Variants in PTPN14 observed in about 807,000 individuals in gnomAD.
PTPN14 encodes the protein protein tyrosine phosphatase non-receptor type 14, also known as tyrosine-protein phosphatase non-receptor type 14.
Under a neutral mutation model 126.8 loss-of-function variants are expected in PTPN14, and 53 were observed. The ratio of observed to expected loss-of-function variants is 0.42; its 90% confidence interval spans 0.34 to 0.53. The LOEUF (loss-of-function observed/expected upper bound fraction) is 0.53. PTPN14 is among the 20% of genes least tolerant of loss of function. PTPN14 has a pLI of 0.08. For synonymous variants in PTPN14, 630 were observed against 599.3 expected (o/e 1.05, Z -0.75); for missense variants, 1,257 against 1,552.9 (o/e 0.81, Z 3.20).
chr1:214,373,208 T>A (rs1352680375), intron 15 of PTPN14, among the ~76,000 whole-genome samples: 1 of 152,094 alleles, frequency 6.6e-6, no homozygotes, highest in Non-Finnish European at 1.5e-5. Context: ...GCACTCGCCA[T>A]CATGCCCGGC....
At chr1:214,466,814 A>G (rs1304923358) in intron 1 of PTPN14, among the ~76,000 whole-genome samples, 3 of 152,150 alleles carry the variant, frequency 2.0e-5, no homozygotes, top group African/African-American at 4.8e-5. Flanking sequence ...ATGTACAAAT[A>G]GGAATAGCTA....
intron 1 of PTPN14, among the ~76,000 whole-genome samples, chr1:214,486,355 A>C (rs960836253): frequency 6.6e-6 from 1 of 152,164 alleles, no homozygotes; most frequent in Non-Finnish European, 1.5e-5. Context: ...CTAGCTAGTG[A>C]TGGAGCTCAT....
chr1:214,405,038 A>T (rs1431943637), intron 5 of PTPN14, among the ~76,000 whole-genome samples: 1 of 152,210 alleles, frequency 6.6e-6, no homozygotes, highest in African/African-American at 2.4e-5. Flanking sequence ...CAAGAGGTCA[A>T]GCCCCAGGCC....
chr1:214,415,633 T>C (rs948246708), intron 3 of PTPN14, among the ~76,000 whole-genome samples: 4 of 152,200 alleles, frequency 2.6e-5, no homozygotes, highest in African/African-American at 9.7e-5. Context: ...CCAACTTTCC[T>C]GGAGAGAGGC....
chr1:214,537,194 G>A (rs12132245), intron 1 of PTPN14, among the ~76,000 whole-genome samples: 1,777 of 152,274 alleles, frequency 0.012, 16 homozygotes, highest in Non-Finnish European at 0.018. Flanking sequence ...GAACATCAAT[G>A]GTTTTTACTA....
intron 3 of PTPN14, among the ~76,000 whole-genome samples, chr1:214,422,809 C>T (rs1659574600): frequency 6.6e-6 from 1 of 152,134 alleles, no homozygotes; most frequent in African/African-American, 2.4e-5. Context: ...CCTAGAATCC[C>T]TAATTAAAGG....
intron 1 of PTPN14, among the ~76,000 whole-genome samples, chr1:214,513,573 TGCTAC>T (rs1655028147): frequency 6.6e-6 from 1 of 152,212 alleles, no homozygotes; most frequent in African/African-American, 2.4e-5. Context: ...ACTCTCTGTG[TGCTAC>T]GGGTGTGCTT....
chr1:214,498,929 C>T (rs1210082172), intron 1 of PTPN14, among the ~76,000 whole-genome samples: 1 of 152,108 alleles, frequency 6.6e-6, no homozygotes, highest in Non-Finnish European at 1.5e-5. Flanking sequence ...CCACTTCAGC[C>T]TCCTGAAAAG....
At chr1:214,549,851 T>C (rs1268629294) in intron 1 of PTPN14, among the ~76,000 whole-genome samples, 1 of 152,174 alleles carries the variant, frequency 6.6e-6, no homozygotes, top group Admixed American at 6.5e-5. Context: ...TTCCCATAAG[T>C]GGCTAACGTG....
chr1:214,405,894 A>G (rs1428280733), intron 5 of PTPN14, among the ~76,000 whole-genome samples: 2 of 152,184 alleles, frequency 1.3e-5, no homozygotes, highest in Non-Finnish European at 2.9e-5. Context: ...AACTTGCCCA[A>G]AGTCATATAG....
chr1:214,372,333 G>C lies in PTPN14; in HGVS notation c.3036+378C>G, dbSNP rs997399264. On this transcript the variant is annotated intron_variant, in intron 16 of 18. Coordinates refer to ENST00000366956, the MANE Select transcript of PTPN14 (RefSeq NM_005401.5). The stretch of plus-strand genomic sequence containing the variant: ...TTGGGCGTCTATGTCGATTTGCCCA[G>C]AGCAGCCTGAGACTCCCAAATTCCA... 1.1e-5 allele frequency: 3 copies of C among 276,528 alleles called. No individual in the cohort carries two copies. The Admixed American group carries it at 1.5e-4, about 14-fold the overall frequency. 17.1% of individuals were successfully genotyped at this position (276,528 alleles called of 1,614,324 possible).
At chr1:214,449,787 C>T (rs924571468) in intron 3 of PTPN14, among the ~76,000 whole-genome samples, 4 of 151,784 alleles carry the variant, frequency 2.6e-5, no homozygotes, top group Admixed American at 6.6e-5. Flanking sequence ...AGCTAACTCA[C>T]GGCCTCTGTT....
chr1:214,458,793 G>A (rs953352401), intron 2 of PTPN14, among the ~76,000 whole-genome samples: 16 of 152,018 alleles, frequency 1.1e-4, no homozygotes, highest in African/African-American at 3.9e-4. Flanking sequence ...CCTTAACCTA[G>A]GCTAGTTATT....
chr1:214,370,006 C>T (rs893718139), intron 16 of PTPN14, among the ~76,000 whole-genome samples: 6 of 152,240 alleles, frequency 3.9e-5, no homozygotes, highest in African/African-American at 9.6e-5. Flanking sequence ...GTCAGCCGGG[C>T]GTGGCGGCTC....
At chr1:214,514,766 T>A (rs1255837809) in intron 1 of PTPN14, among the ~76,000 whole-genome samples, 1 of 152,148 alleles carries the variant, frequency 6.6e-6, no homozygotes, top group African/African-American at 2.4e-5. Context: ...ACCACACATT[T>A]AAGGCTGCAA....
chr1:214,401,861 GT>G, intron 6 of PTPN14, 89 bp from the exon 7 acceptor site: 1 of 1,071,590 alleles, frequency 9.3e-7, no homozygotes, highest in Non-Finnish European at 1.4e-6. Context: ...CAGAGCTGTG[GT>G]TTAGCTCTAG....
chr1:214,414,279 C>T (rs1659376242), intron 4 of PTPN14, among the ~76,000 whole-genome samples: 1 of 152,174 alleles, frequency 6.6e-6, no homozygotes. Flanking sequence ...AACACCTTTG[C>T]AGCATCAAGC....
chr1:214,518,361 A>C (rs551098229), intron 1 of PTPN14, among the ~76,000 whole-genome samples: 3 of 152,250 alleles, frequency 2.0e-5, no homozygotes, highest in Non-Finnish European at 4.4e-5. Flanking sequence ...GAATCTGATA[A>C]ATGATATCCC....
chr1:214,382,186 C>A (rs1658488900), intron 13 of PTPN14, among the ~76,000 whole-genome samples: 1 of 152,184 alleles, frequency 6.6e-6, no homozygotes, highest in Admixed American at 6.5e-5. Flanking sequence ...CAGGCGTGAG[C>A]CACAGTGCCC....
Sources: gnomAD v4.1 joint callset for allele counts (sites outside exome capture counted in the v4.1 genomes callset) on GRCh38, gnomAD v4.1.1 for gene constraint, MANE v1.5 for transcripts, NCBI Gene and HGNC (gene_info 2026-07-23, HGNC 2026-07-21) for gene names.